The following FCHSD2 variants were observed in gnomAD, a reference collection of about 807,000 sequenced individuals.
The protein encoded by FCHSD2 is FCH and double SH3 domains 2, also known as F-BAR and double SH3 domains protein 2.
A neutral mutation model predicts 108.1 loss-of-function variants in FCHSD2; 38 were observed. That is an observed-to-expected ratio of 0.35 (90% CI 0.27 to 0.46). The LOEUF (loss-of-function observed/expected upper bound fraction) is 0.46. FCHSD2 is among the 20% of genes least tolerant of loss of function. The pLI is 1.00. For synonymous variants in FCHSD2, 279 were observed against 314.7 expected (o/e 0.89, Z 1.20); for missense variants, 751 against 897.8 (o/e 0.84, Z 2.09).
At chr11:73,054,062 C>T (rs538106429) in intron 3 of FCHSD2, among the ~76,000 whole-genome samples, 30 of 152,258 alleles carry the variant, frequency 2.0e-4, no homozygotes, top group African/African-American at 7.2e-4. Flanking sequence ...TTCTAGCCTG[C>T]TGTCTGTTTC....
At position 72,841,469 on chromosome 11, in the gene FCHSD2, A is replaced by G. The variant is rs766720051; in HGVS notation, c.2041T>C (p.Ser681Pro). 4 of 1,608,636 alleles carry G rather than the reference A, an allele frequency of 2.5e-6. No individual in the cohort carries two copies. The highest frequency in any genetic ancestry group is 3.4e-6 in the Non-Finnish European group (4 of 1,177,556). Residue 681 changes from serine (S) to proline (P), a missense_variant, in exon 18 of 20, where the codon TCT becomes CCT. By Grantham distance (74) the Ser-to-Pro change is moderately conservative. Coordinates refer to ENST00000409418, the MANE Select transcript of FCHSD2 (RefSeq NM_014824.3). ...GAACCCTTACCGTTTGCTGAAGGAG[A>G]CCGGGGAAAGTACAGGGAGCTCCTC... ...DKRSSLYFPRSPSANEKSLHA... is the reference protein window; with the variant it reads ...DKRSSLYFPRPPSANEKSLHA...
intron 13 of FCHSD2, among the ~76,000 whole-genome samples, chr11:72,859,391 C>T (rs1338846794): frequency 6.6e-6 from 1 of 152,184 alleles, no homozygotes; most frequent in African/African-American, 2.4e-5. Context: ...CACCATATCA[C>T]GGTGCTTGTG....
At chr11:73,079,392 G>T (rs1859630649) in intron 3 of FCHSD2, among the ~76,000 whole-genome samples, 1 of 151,884 alleles carries the variant, frequency 6.6e-6, no homozygotes, top group South Asian at 2.1e-4. Flanking sequence ...TAGAGACGGG[G>T]TTTCACCATG....
intron 8 of FCHSD2, among the ~76,000 whole-genome samples, chr11:72,967,915 C>G (rs933482198): frequency 1.3e-5 from 2 of 151,810 alleles, no homozygotes; most frequent in African/African-American, 4.8e-5. Flanking sequence ...CGCGGTGAAT[C>G]CCCATCTCTA....
intron 2 of FCHSD2, among the ~76,000 whole-genome samples, chr11:73,096,911 T>C (rs963317667): frequency 1.3e-5 from 2 of 149,704 alleles, no homozygotes; most frequent in Non-Finnish European, 3.0e-5. Flanking sequence ...TTATGTGAAA[T>C]GCTTTTTCTG....
At chr11:72,909,402 C>A (rs1855703123) in intron 9 of FCHSD2, among the ~76,000 whole-genome samples, 1 of 152,208 alleles carries the variant, frequency 6.6e-6, no homozygotes, top group Non-Finnish European at 1.5e-5. Context: ...CACCTCCCAG[C>A]TGCCTGCCTT....
chr11:73,104,053 C>T lies in FCHSD2; in HGVS notation c.120-20313G>A, dbSNP rs148366306. ...AACCCTTTAAACAGCTCCCAAGTAC[C>T]TGAATGTCAGCCATCCCCATTGTGC... On this transcript the variant is annotated intron_variant, in intron 2 of 19. Transcript: ENST00000409418. Among the ~76,000 whole-genome samples, 549 of 152,306 alleles carry T rather than the reference C, an allele frequency of 3.6e-3. 2 individuals carry two copies. Among genetic ancestry groups the T allele is most frequent in the African/African-American group, 0.013 (521 of 41,562 alleles).
intron 8 of FCHSD2, among the ~76,000 whole-genome samples, chr11:72,948,077 G>A (rs569485095): frequency 1.3e-5 from 2 of 152,120 alleles, no homozygotes; most frequent in South Asian, 2.1e-4. Flanking sequence ...GTGCGATCTC[G>A]GCTCACTGCA....
intron 13 of FCHSD2, among the ~76,000 whole-genome samples, chr11:72,857,537 C>T (rs1861457860): frequency 6.9e-6 from 1 of 145,826 alleles, no homozygotes; most frequent in South Asian, 2.1e-4. Context: ...CTCTTGGGTT[C>T]AAGCGATTCT....
At chr11:73,012,621 C>T (rs1857886020) in intron 4 of FCHSD2, among the ~76,000 whole-genome samples, 1 of 152,122 alleles carries the variant, frequency 6.6e-6, no homozygotes, top group Admixed American at 6.6e-5. Flanking sequence ...AGCCTCAATC[C>T]TGATCTTTCT....
intron 8 of FCHSD2, among the ~76,000 whole-genome samples, chr11:72,974,468 G>C (rs1456387944): frequency 1.3e-5 from 2 of 152,180 alleles, no homozygotes; most frequent in Non-Finnish European, 2.9e-5. Flanking sequence ...ATGAACTTTA[G>C]AGGACACATT....
At chr11:73,131,741 A>T (rs913688707) in intron 2 of FCHSD2, among the ~76,000 whole-genome samples, 3 of 152,040 alleles carry the variant, frequency 2.0e-5, no homozygotes, top group Non-Finnish European at 2.9e-5. Flanking sequence ...AAAAATAAGA[A>T]CACCATTAAC....
intron 3 of FCHSD2, among the ~76,000 whole-genome samples, chr11:73,049,752 T>C (rs867927937): frequency 8.6e-5 from 13 of 151,596 alleles, no homozygotes; most frequent in Middle Eastern, 3.5e-3. Context: ...TCTTTTATAC[T>C]ATGTAAGGCA....
intron 8 of FCHSD2, among the ~76,000 whole-genome samples, chr11:72,977,544 A>G (rs1301748623): frequency 6.6e-6 from 1 of 152,260 alleles, no homozygotes; most frequent in African/African-American, 2.4e-5. Context: ...ATCACTGGCC[A>G]TCAGAGAAAT....
chr11:73,071,649 C>T (rs1030551094), intron 3 of FCHSD2, among the ~76,000 whole-genome samples: 30 of 151,896 alleles, frequency 2.0e-4, no homozygotes, highest in African/African-American at 4.8e-4. Flanking sequence ...TGCAGTGAGC[C>T]GAGATCATGT....
chr11:72,895,981 T>TA (rs1855409897), intron 10 of FCHSD2, among the ~76,000 whole-genome samples: 1 of 152,192 alleles, frequency 6.6e-6, no homozygotes, highest in South Asian at 2.1e-4. Context: ...TCCTGCACAG[T>TA]ATATTAACCC....
chr11:72,883,460 C>T (rs72969899), intron 12 of FCHSD2, among the ~76,000 whole-genome samples: 24,740 of 152,056 alleles, frequency 0.16, 2,427 homozygotes, highest in Non-Finnish European at 0.23. Context: ...AGTAATAAGA[C>T]CAATCTAAAT....
At chr11:73,025,012 G>C (rs894085601) in intron 3 of FCHSD2, among the ~76,000 whole-genome samples, 2 of 152,156 alleles carry the variant, frequency 1.3e-5, no homozygotes, top group African/African-American at 4.8e-5. Flanking sequence ...CAAGGTCGTG[G>C]AGAAAAAGAA....
At position 72,889,946 on chromosome 11, in the gene FCHSD2, C is replaced by A; in HGVS notation, c.925-1G>T. 2 of 1,574,964 alleles carry A rather than the reference C, an allele frequency of 1.3e-6. No individual in the cohort carries two copies. Among genetic ancestry groups the A allele is most frequent in the Non-Finnish European group, 1.7e-6 (2 of 1,144,586 alleles). On this transcript the variant is annotated splice_acceptor_variant, in intron 10 of 19. Transcript: ENST00000409418. LOFTEE classifies it high-confidence loss of function. ...CAGTTTCTGATTCTAACTGTCGGCT[C>A]TACAATACAAGAGAGAACAGAGATA...
Sources: gnomAD v4.1 joint callset for allele counts (sites outside exome capture counted in the v4.1 genomes callset) on GRCh38, gnomAD v4.1.1 for gene constraint, MANE v1.5 for transcripts, NCBI Gene and HGNC (gene_info 2026-07-23, HGNC 2026-07-21) for gene names.